Variants in DNAAF5 observed in about 807,000 individuals in gnomAD.
DNAAF5 encodes dynein axonemal assembly factor 5.
DNAAF5 carries 64 observed loss-of-function variants against 75.8 expected under a neutral mutation model. That is an observed-to-expected ratio of 0.84 (90% CI 0.69 to 1.04). The LOEUF (loss-of-function observed/expected upper bound fraction) is 1.04. DNAAF5 is among the 50% of genes least tolerant of loss of function. The pLI, the probability that DNAAF5 is intolerant of heterozygous loss-of-function variation, is 0.00. For missense variants in DNAAF5, 1,269 were observed against 1,178.5 expected (o/e 1.08, Z -1.12); for synonymous variants, 657 against 557.2 (o/e 1.18, Z -2.52).
At chr7:785,018 A>G (rs1779103703) in intron 12 of DNAAF5, among the ~76,000 whole-genome samples, 1 of 151,846 alleles carries the variant, frequency 6.6e-6, no homozygotes, top group South Asian at 2.1e-4. Flanking sequence ...CCACATTCTG[A>G]CTGCCGTCCA....
intron 11 of DNAAF5, among the ~76,000 whole-genome samples, chr7:777,929 G>A (rs182228999): frequency 7.2e-5 from 11 of 152,320 alleles, no homozygotes; most frequent in Admixed American, 5.2e-4. Flanking sequence ...CGAGTGGGCC[G>A]AGAGGCTCCC....
At chr7:729,587 G>T in intron 1 of DNAAF5, 76 bp from the exon 2 acceptor site, 1 of 1,435,772 alleles carries the variant, frequency 7.0e-7, no homozygotes, top group Non-Finnish European at 9.5e-7. Flanking sequence ...GCAGGCAGCC[G>T]TCCTCTGGAA....
At position 785,856 on chromosome 7, in the gene DNAAF5, C is replaced by T. The variant is rs962171994; in HGVS notation, c.*203C>T. On this transcript the variant is annotated 3_prime_UTR_variant, in exon 13 of 13. Transcript: ENST00000297440. ...ATGTTATGTGATTTGTTCTGTTCAT[C>T]GAGAGGGCTCCCAAACATCTGCAGC... 1.2e-5 allele frequency: 7 copies of T among 572,564 alleles called. No homozygotes were observed. Among genetic ancestry groups the T allele is most frequent in the East Asian group, 3.1e-5 (1 of 32,396 alleles). 35.5% of individuals were successfully genotyped at this position (572,564 alleles called of 1,614,324 possible).
chr7:772,191 G>A (rs1168123223), intron 9 of DNAAF5: 3 of 152,446 alleles, frequency 2.0e-5, no homozygotes, highest in East Asian at 3.9e-4. Flanking sequence ...TGAATCATGA[G>A]AGGTTCTCAG....
chr7:733,891 T>G (rs1781657561), intron 2 of DNAAF5, among the ~76,000 whole-genome samples: 2 of 152,250 alleles, frequency 1.3e-5, no homozygotes, highest in South Asian at 4.1e-4. Context: ...ATTACTTTCT[T>G]GATTTCTTTT....
At chr7:765,726 G>A (rs35928068) in intron 8 of DNAAF5, among the ~76,000 whole-genome samples, 25 of 152,072 alleles carry the variant, frequency 1.6e-4, no homozygotes, top group Non-Finnish European at 2.9e-4. Flanking sequence ...TTTTTGAGAC[G>A]GTCTCACGCT....
chr7:726,912 C>G lies in DNAAF5; in HGVS notation c.192C>G (p.Ala64=), dbSNP rs1212165365. 3 of 1,345,160 alleles carry G rather than the reference C, an allele frequency of 2.2e-6. No homozygotes were observed. Among genetic ancestry groups the G allele is most frequent in the South Asian group, 3.4e-5 (2 of 59,340 alleles). The allele number at this position is 1,345,160 out of a possible 1,614,324, so 83.3% of individuals were successfully genotyped here. Residue 64 remains alanine (A), a synonymous_variant, in exon 1 of 13, where the codon GCC becomes GCG. Coordinates refer to ENST00000297440, the MANE Select transcript of DNAAF5 (RefSeq NM_017802.4). The part of the protein sequence containing the change: ...RRALEEPGPA[A]DPTAFQGPWA... ...CGCTGGAGGAGCCAGGCCCTGCCGCCGACCCCACCGCTTTCCAGGGCCCCT... is the reference window on the plus strand; with the variant it reads ...CGCTGGAGGAGCCAGGCCCTGCCGCGGACCCCACCGCTTTCCAGGGCCCCT...
At chr7:757,463 T>G (rs888216369) in intron 6 of DNAAF5, among the ~76,000 whole-genome samples, 1 of 151,954 alleles carries the variant, frequency 6.6e-6, no homozygotes, top group Non-Finnish European at 1.5e-5. Flanking sequence ...CCAGGGTACC[T>G]GCACAGATCG....
intron 2 of DNAAF5, among the ~76,000 whole-genome samples, chr7:737,229 G>A (rs1781766920): frequency 6.6e-6 from 1 of 152,062 alleles, no homozygotes; most frequent in South Asian, 2.1e-4. Flanking sequence ...CCGAGTAGCT[G>A]GGACTACAGG....
In DNAAF5 at chr7:763,805, G is replaced by C; in HGVS notation, c.1615-1G>C. 6.2e-7 allele frequency: 1 copy of C among 1,613,184 alleles called. No individual in the cohort carries two copies. The highest frequency in any genetic ancestry group is 8.5e-7 in the Non-Finnish European group (1 of 1,179,980). The stretch of plus-strand genomic sequence containing the variant: ...CTCAGTCTCTGACTTGTAACCTCCA[G>C]GCACAGGAGACGATGGACTCACTGG... On this transcript the variant is annotated splice_acceptor_variant, in intron 7 of 12. Coordinates refer to ENST00000297440, the MANE Select transcript of DNAAF5 (RefSeq NM_017802.4). LOFTEE classifies it high-confidence loss of function.
intron 4 of DNAAF5, among the ~76,000 whole-genome samples, chr7:752,879 A>T (rs1254524842): frequency 6.6e-6 from 1 of 152,234 alleles, no homozygotes; most frequent in East Asian, 1.9e-4. Flanking sequence ...AAAACAATCC[A>T]TTTTTTTAAA....
chr7:738,690 T>C (rs1395595289), intron 2 of DNAAF5, among the ~76,000 whole-genome samples: 2 of 152,174 alleles, frequency 1.3e-5, no homozygotes, highest in Admixed American at 1.3e-4. Flanking sequence ...TCATGCTAAT[T>C]GGAATTTGCA....
chr7:757,154 C>T (rs974733347), intron 6 of DNAAF5, among the ~76,000 whole-genome samples, 160 bp downstream of exon 6: 15 of 152,234 alleles, frequency 9.9e-5, no homozygotes, highest in Non-Finnish European at 1.5e-4. Context: ...GCCGCCAGGC[C>T]GGGCCATCGG....
chr7:727,154 T>C lies in DNAAF5; in HGVS notation c.434T>C (p.Leu145Pro), dbSNP rs1273227112. The C allele has an allele frequency of 2.3e-6, 3 of 1,277,908 alleles. No homozygotes were observed. The East Asian group carries it at 1.1e-4, about 46-fold the overall frequency. The allele number at this position is 1,277,908 out of a possible 1,614,324, so 79.2% of individuals were successfully genotyped here. The change falls in exon 1 of 13, where the codon CTT (leucine) becomes CCT (proline). Residue 145 changes from leucine (L) to proline (P), a missense_variant. Physicochemically the swap from Leu to Pro is moderately conservative, Grantham distance 98 (BLOSUM62 -3). Transcript: ENST00000297440. ...PEACEELRLA[L>P]VQLLGLAVDL... ...GCCTGTGAGGAGCTGCGCCTGGCGC[T>C]TGTGCAGCTGCTGGGCCTGGCCGTG...
chr7:765,819 G>A (rs1356309411), intron 8 of DNAAF5, among the ~76,000 whole-genome samples: 3 of 152,176 alleles, frequency 2.0e-5, no homozygotes, highest in African/African-American at 7.2e-5. Flanking sequence ...TTCTGCCTTA[G>A]CCTCCTGAGT....
At chr7:780,604 G>C (rs572736641) in intron 12 of DNAAF5, among the ~76,000 whole-genome samples, 1 of 152,334 alleles carries the variant, frequency 6.6e-6, no homozygotes, top group African/African-American at 2.4e-5. Context: ...GGCCTCGCCT[G>C]TGGCTTCAAG....
At chr7:732,788 T>TCTC (rs1781627195) in intron 2 of DNAAF5, among the ~76,000 whole-genome samples, 1 of 152,218 alleles carries the variant, frequency 6.6e-6, no homozygotes, top group Admixed American at 6.5e-5. Context: ...CTGTGGGTTG[T>TCTC]CTCCTCACTA....
Position 748,962 on chromosome 7 carries a change from A to G in DNAAF5, c.1025-5627A>G, listed in dbSNP as rs528374793. 1.1e-3 allele frequency among the ~76,000 whole-genome samples: 170 copies of G among 152,338 alleles called. 1 individual carries two copies. The highest frequency in any genetic ancestry group is 4.6e-3 in the South Asian group (22 of 4,832). On this transcript the variant is annotated intron_variant, in intron 4 of 12. Transcript: ENST00000297440. The stretch of plus-strand genomic sequence containing the variant: ...GGAATTCACATGGGCCTGGATCTGA[A>G]GTTTCATCAGAGTCCAGTTTTCCTG...
intron 8 of DNAAF5, among the ~76,000 whole-genome samples, chr7:765,354 A>G (rs1240847060): frequency 2.0e-5 from 3 of 152,122 alleles, no homozygotes; most frequent in Non-Finnish European, 4.4e-5. Flanking sequence ...GGCCTCTTGG[A>G]TGGGGGCCCA....
Sources: allele counts gnomAD v4.1 joint callset (sites outside exome capture counted in the v4.1 genomes callset), GRCh38; gene constraint gnomAD v4.1.1; transcripts MANE v1.5; gene names NCBI Gene and HGNC (gene_info 2026-07-23, HGNC 2026-07-21).